Variants in MED1 observed in about 807,000 individuals in gnomAD.
MED1 encodes mediator complex subunit 1, also known as mediator of RNA polymerase II transcription subunit 1.
A neutral mutation model predicts 121.3 loss-of-function variants in MED1; 17 were observed. That is an observed-to-expected ratio of 0.14 (90% confidence interval 0.10 to 0.21). The LOEUF is 0.21. Among genes scored for constraint, MED1 ranks in the 10% least tolerant of loss-of-function variants. The pLI is 1.00. For missense variants in MED1, 1,558 were observed against 1,919.4 expected, an observed-to-expected ratio of 0.81 and a Z score of 3.52; for synonymous variants, 661 against 694.4, an observed-to-expected ratio of 0.95 and a Z score of 0.76.
chr17:39,405,962 C>T lies in MED1; in HGVS notation c.*1513G>A, dbSNP rs898202753. ...GTGCTGGGGACCATGCCCCATCCCG[C>T]TGATACAGATCCTGAATGGAATAAT... On this transcript the variant is annotated 3_prime_UTR_variant, in exon 17 of 17. Coordinates refer to ENST00000300651, the MANE Select transcript of MED1 (RefSeq NM_004774.4). The T allele has an allele frequency of 6.9e-5, 68 of 985,516 alleles. No homozygotes were observed. The highest frequency in any genetic ancestry group is 1.0e-3 in the Middle Eastern group (2 of 1,914). The allele number at this position is 985,516 out of a possible 1,614,324, so 61.0% of individuals were successfully genotyped here.
intron 13 of MED1, among the ~76,000 whole-genome samples, chr17:39,422,501 A>G (rs1597860678): frequency 1.1e-4 from 9 of 78,272 alleles, no homozygotes; most frequent in African/African-American, 2.2e-4. Flanking sequence ...TTTGAGACGG[A>G]ATTTCGCTCT....
intron 6 of MED1, among the ~76,000 whole-genome samples, chr17:39,436,776 TA>T (rs968123964): frequency 1.3e-5 from 2 of 151,986 alleles, no homozygotes; most frequent in South Asian, 2.1e-4. Context: ...AATTCTTTAT[TA>T]TTTTTTTTTT....
At chr17:39,412,278 G>C (rs59085142) in intron 16 of MED1, among the ~76,000 whole-genome samples, 14 of 146,898 alleles carry the variant, frequency 9.5e-5, no homozygotes, top group Admixed American at 4.1e-4. Context: ...GCCCAGGCTG[G>C]AGTGCAATGG....
At position 39,405,186 on chromosome 17, in the gene MED1, G is replaced by A; in HGVS notation, c.*2289C>T. 6.5e-7 allele frequency: 1 copy of A among 1,539,258 alleles called. No individual in the cohort carries two copies. The highest frequency in any genetic ancestry group is 8.8e-7 in the Non-Finnish European group (1 of 1,139,486). ...CAGTGCTCCCTGGTTCTCAGGCAGG[G>A]TGAAGCAGTTTAGCCCCGGCTCCCT... is the stretch of plus-strand genomic sequence containing the variant. On this transcript the variant is annotated 3_prime_UTR_variant, in exon 17 of 17. Transcript: ENST00000300651.
At position 39,409,655 on chromosome 17, in the gene MED1, T is replaced by G. The variant is rs761852249; in HGVS notation, c.2566A>C (p.Asn856His). 6.2e-7 allele frequency: 1 copy of G among 1,614,186 alleles called. No homozygotes were observed. The highest frequency in any genetic ancestry group is 1.7e-5 in the Admixed American group (1 of 60,014). Residue 856 changes from asparagine to histidine, a missense_variant, in exon 17 of 17, where the codon AAT becomes CAT. Coordinates refer to ENST00000300651, the MANE Select transcript of MED1 (RefSeq NM_004774.4). ...TCTACTCCATCATGAAAAAAATGATTGGTAGGAGAGTCACTACTGGGGCTT... is the reference window on the plus strand; with the variant it reads ...TCTACTCCATCATGAAAAAAATGATGGGTAGGAGAGTCACTACTGGGGCTT... ...AGSPSSDSPT[N>H]HFFHDGVDFN...
At chr17:39,425,760 C>T (rs2048508970) in intron 10 of MED1, among the ~76,000 whole-genome samples, 1 of 151,448 alleles carries the variant, frequency 6.6e-6, no homozygotes, top group Non-Finnish European at 1.5e-5. Flanking sequence ...CGAAATCGCA[C>T]CACTGCACTC....
At chr17:39,423,204 A>T (rs1396057914) in intron 13 of MED1, 123 bp downstream of exon 13, 2 of 761,824 alleles carry the variant, frequency 2.6e-6, no homozygotes, top group Non-Finnish European at 4.5e-6. Flanking sequence ...TTACTAAAGA[A>T]ATAGGACATG....
intron 13 of MED1, 42 bp from the exon 14 acceptor site, chr17:39,419,960 A>G: frequency 6.4e-7 from 1 of 1,560,296 alleles, no homozygotes; most frequent in Non-Finnish European, 8.8e-7. Context: ...TTAGTTACCT[A>G]TTGTATTCCA....
intron 2 of MED1, among the ~76,000 whole-genome samples, chr17:39,446,246 C>A (rs987117202): frequency 1.3e-5 from 2 of 150,576 alleles, no homozygotes; most frequent in African/African-American, 4.9e-5. Flanking sequence ...GTCAGGAGAT[C>A]GAGACCATCC....
At chr17:39,427,363 G>A (rs2048524182) in intron 10 of MED1, 1 of 155,706 alleles carries the variant, frequency 6.4e-6, no homozygotes. Context: ...TGTATTTTTA[G>A]TAGAGACAGG....
At chr17:39,442,667 G>C (rs2048689792) in intron 3 of MED1, among the ~76,000 whole-genome samples, 1 of 150,218 alleles carries the variant, frequency 6.7e-6, no homozygotes, top group South Asian at 2.1e-4. Flanking sequence ...AGAACTTTGG[G>C]AGGCCAAGGT....
At position 39,424,615 on chromosome 17, in the gene MED1, T is replaced by A; in HGVS notation, c.851+12A>T. 6.5e-7 allele frequency: 1 copy of A among 1,532,148 alleles called. No homozygotes were observed. The highest frequency in any genetic ancestry group is 8.9e-7 in the Non-Finnish European group (1 of 1,117,758). 94.9% of individuals were successfully genotyped at this position (1,532,148 alleles called of 1,614,324 possible). ...AATTGACTTTGCTACTCTAAAATTA[T>A]ATTTAACTTACCATTTATTGTCAAC... On this transcript the variant is annotated intron_variant, in intron 11 of 16. Transcript: ENST00000300651.
intron 9 of MED1, 81 bp from the exon 10 acceptor site, chr17:39,427,871 C>A: frequency 1.1e-6 from 1 of 874,070 alleles, no homozygotes; most frequent in South Asian, 1.6e-5. Context: ...ATTATATAAA[C>A]CGATATTCAA....
chr17:39,429,406 C>T (rs1481007851), intron 9 of MED1, among the ~76,000 whole-genome samples: 3 of 150,968 alleles, frequency 2.0e-5, no homozygotes, highest in Non-Finnish European at 4.4e-5. Context: ...TAGAAATCAT[C>T]GCAAAAAGCC....
In MED1 at chr17:39,408,795, C is replaced by G; in HGVS notation, c.3426G>C (p.Gln1142His). 1 of 1,613,978 alleles carries G rather than the reference C, an allele frequency of 6.2e-7. No individual in the cohort carries two copies. Among genetic ancestry groups the G allele is most frequent in the Middle Eastern group, 1.6e-4 (1 of 6,062 alleles). ...YSSQGSSGSS[Q>H]SKNSSQSGGK... Reference sequence around the variant, plus strand: ...CCCCAGACTGGGATGAATTTTTGGACTGGCTAGATCCAGAAGACCCCTGGC... The same window carrying G: ...CCCCAGACTGGGATGAATTTTTGGAGTGGCTAGATCCAGAAGACCCCTGGC... The change falls in exon 17 of 17, where the codon CAG becomes CAC. Residue 1142 changes from glutamine to histidine, a missense_variant. This residue lies in a region of MED1 where 793 missense variants were observed against 898.2 expected (regional missense o/e 0.88). Transcript: ENST00000300651. This position sits in a 1 kb window ranked among gnomAD's most constrained non-coding sequence, Gnocchi z 4.7.
Position 39,406,120 on chromosome 17 carries a change from C to A in MED1, c.*1355G>T, listed in dbSNP as rs1366955670. 5.1e-6 allele frequency: 5 copies of A among 985,400 alleles called. No homozygotes were observed. In the African/African-American group the frequency reaches 8.7e-5, roughly 17 times the overall value. 61.0% of individuals were successfully genotyped at this position (985,400 alleles called of 1,614,324 possible). ...TTTCTATATTTTTATGTGAAGGGCTCTTATTGATGTCCCCCAGAATCCAGA... is the reference window on the plus strand; with the variant it reads ...TTTCTATATTTTTATGTGAAGGGCTATTATTGATGTCCCCCAGAATCCAGA... On this transcript the variant is annotated 3_prime_UTR_variant, in exon 17 of 17. Coordinates refer to ENST00000300651, the MANE Select transcript of MED1 (RefSeq NM_004774.4).
chr17:39,442,611 A>C (rs564771817), intron 3 of MED1, among the ~76,000 whole-genome samples: 1 of 150,504 alleles, frequency 6.6e-6, no homozygotes, highest in African/African-American at 2.4e-5. Flanking sequence ...AAAAAAAAAA[A>C]AAAAAAAAAA....
At chr17:39,438,167 G>A (rs2048637590) in intron 6 of MED1, among the ~76,000 whole-genome samples, 1 of 150,070 alleles carries the variant, frequency 6.7e-6, no homozygotes, top group South Asian at 2.1e-4. Context: ...GCGAAACCTC[G>A]TCTCTATTTT....
intron 11 of MED1, 105 bp downstream of exon 11, chr17:39,424,522 C>G (rs185135077): frequency 1.4e-6 from 1 of 706,376 alleles, no homozygotes; most frequent in Admixed American, 2.9e-5. Flanking sequence ...AAACAAAAGG[C>G]CAACCTCTAG....
Sources: gnomAD v4.1 joint callset for allele counts (sites outside exome capture counted in the v4.1 genomes callset) on GRCh38, gnomAD v4.1.1 for gene constraint, gnomAD v4.1.1 regional missense constraint, Gnocchi (gnomAD v3.1) non-coding constraint, MANE v1.5 for transcripts, NCBI Gene and HGNC (gene_info 2026-07-23, HGNC 2026-07-21) for gene names.